SLC22A23: variants seen among roughly 807,000 people sequenced by gnomAD.
SLC22A23 encodes solute carrier family 22 member 23.
A neutral mutation model predicts 61.0 loss-of-function variants in SLC22A23; 26 were observed. The ratio of observed to expected loss-of-function variants is 0.43; its 90% CI spans 0.31 to 0.59. The LOEUF (loss-of-function observed/expected upper bound fraction) is 0.59. SLC22A23 is among the 20% of genes least tolerant of loss of function. The pLI, the probability that SLC22A23 is intolerant of heterozygous loss-of-function variation, is 0.11. For missense variants in SLC22A23, 796 were observed against 934.7 expected (o/e 0.85, Z 1.94); for synonymous variants, 430 against 413.9 (o/e 1.04, Z -0.47).
intron 3 of SLC22A23, among the ~76,000 whole-genome samples, chr6:3,405,216 G>T (rs1272235066): frequency 6.6e-6 from 1 of 151,754 alleles, no homozygotes; most frequent in East Asian, 1.9e-4. Context: ...AGCTGAGATG[G>T]CACCACTGCA....
chr6:3,410,720 T>A lies in SLC22A23; in HGVS notation c.759-378A>T, dbSNP rs980138371. The stretch of plus-strand genomic sequence containing the variant: ...ACCCAGCATAAAAAGTCTTGAGAAA[T>A]CGTTGACCTTTGGGATTGGATCAAA... On this transcript the variant is annotated intron_variant, in intron 2 of 9. Coordinates refer to ENST00000406686, the MANE Select transcript of SLC22A23 (RefSeq NM_015482.2). The surrounding 1 kb of genome is among the most constrained non-coding windows in gnomAD (Gnocchi z 5.0). Among the ~76,000 whole-genome samples the A allele has an allele frequency of 2.0e-5, 3 of 152,110 alleles. No individual in the cohort carries two copies. Among genetic ancestry groups the A allele is most frequent in the Non-Finnish European group, 4.4e-5 (3 of 68,024 alleles).
At chr6:3,323,051 G>C (rs963254400) in intron 4 of SLC22A23, among the ~76,000 whole-genome samples, 2 of 116,796 alleles carry the variant, frequency 1.7e-5, no homozygotes, top group African/African-American at 7.1e-5. Flanking sequence ...AAATTCCCTG[G>C]AGAGTTTTTT....
rs567111201 is a variant in SLC22A23, at chr6:3,316,350, C to T, written c.1082+7484G>A. The stretch of plus-strand genomic sequence containing the variant: ...GTACTATGGTTAATATGTTTTCACA[C>T]GTAAGAAGCGTGCAGCTGATGTGAA... On this transcript the variant is annotated intron_variant, in intron 4 of 9. Coordinates refer to ENST00000406686, the MANE Select transcript of SLC22A23 (RefSeq NM_015482.2). 3.9e-5 allele frequency among the ~76,000 whole-genome samples: 6 copies of T among 152,292 alleles called. No homozygotes were observed. The South Asian group carries it at 8.3e-4, about 21-fold the overall frequency.
At chr6:3,425,919 C>A (rs1038728833) in intron 1 of SLC22A23, among the ~76,000 whole-genome samples, 5 of 152,198 alleles carry the variant, frequency 3.3e-5, no homozygotes, top group African/African-American at 1.2e-4. Context: ...AAATACAATT[C>A]TCTGGTTTAT....
chr6:3,371,080 T>G (rs1766189425), intron 3 of SLC22A23, among the ~76,000 whole-genome samples: 1 of 152,192 alleles, frequency 6.6e-6, no homozygotes, highest in Non-Finnish European at 1.5e-5. Context: ...TTTCATGACT[T>G]GAGATTTACT....
intron 1 of SLC22A23, among the ~76,000 whole-genome samples, chr6:3,424,819 CAG>C (rs746060090): frequency 2.0e-5 from 3 of 152,216 alleles, no homozygotes; most frequent in South Asian, 2.1e-4. Context: ...ACAACTGAAA[CAG>C]AGCCCACATG....
intron 3 of SLC22A23, among the ~76,000 whole-genome samples, chr6:3,406,376 A>G (rs563108759): frequency 3.9e-5 from 6 of 152,336 alleles, no homozygotes; most frequent in African/African-American, 1.4e-4. Context: ...GATTCATACC[A>G]CAACCAATCA....
Position 3,359,493 on chromosome 6 carries a change from C to T in SLC22A23, c.914-35491G>A, listed in dbSNP as rs533253675. ...ACATCACAGCGACAATGTGGTAGCC[C>T]TTCACATCCATCAGGATGGTAGCTG... On this transcript the variant is annotated intron_variant, in intron 3 of 9. Coordinates refer to ENST00000406686, the MANE Select transcript of SLC22A23 (RefSeq NM_015482.2). Among the ~76,000 whole-genome samples the T allele has an allele frequency of 2.6e-5, 4 of 152,196 alleles. No homozygotes were observed. The East Asian group carries it at 7.7e-4, about 29-fold the overall frequency.
intron 9 of SLC22A23, among the ~76,000 whole-genome samples, chr6:3,280,124 C>T (rs1338139044): frequency 6.6e-6 from 1 of 152,206 alleles, no homozygotes; most frequent in Non-Finnish European, 1.5e-5. Flanking sequence ...ATAAATACAA[C>T]TGCTGAAGAT....
At chr6:3,382,180 C>CA (rs1766994522) in intron 3 of SLC22A23, among the ~76,000 whole-genome samples, 1 of 152,162 alleles carries the variant, frequency 6.6e-6, no homozygotes, top group Non-Finnish European at 1.5e-5. Context: ...GTTGAGCCAC[C>CA]AACTCTTAGT....
rs1248770027 is a variant in SLC22A23, at chr6:3,318,571, C to T, written c.1082+5263G>A. Among the ~76,000 whole-genome samples, 1 of 152,172 alleles carries T rather than the reference C, an allele frequency of 6.6e-6. No individual in the cohort carries two copies. Among genetic ancestry groups the T allele is most frequent in the East Asian group, 1.9e-4 (1 of 5,192 alleles). ...CTCCCTGTGTGCCTCCTGGCCCACC[C>T]CAGTGCTTCCCAGGAGGCCCTGTGT... On this transcript the variant is annotated intron_variant, in intron 4 of 9. Transcript: ENST00000406686. The surrounding 1 kb of genome is among the most constrained non-coding windows in gnomAD (Gnocchi z 4.3).
At position 3,324,983 on chromosome 6, in the gene SLC22A23, T is replaced by A. The variant is rs1280024057; in HGVS notation, c.914-981A>T. 6.6e-6 allele frequency among the ~76,000 whole-genome samples: 1 copy of A among 152,198 alleles called. No individual in the cohort carries two copies. Among genetic ancestry groups the A allele is most frequent in the Non-Finnish European group, 1.5e-5 (1 of 68,040 alleles). ...TTATAGTAGAAAAAGCAGCTGGGTT[T>A]TATATATATTATTTTCCCTACAGAG... On this transcript the variant is annotated intron_variant, in intron 3 of 9. Transcript: ENST00000406686. This position sits in a 1 kb window ranked among gnomAD's most constrained non-coding sequence, Gnocchi z 4.3.
intron 1 of SLC22A23, among the ~76,000 whole-genome samples, chr6:3,440,365 A>G (rs1170487743): frequency 6.6e-6 from 1 of 152,114 alleles, no homozygotes; most frequent in Non-Finnish European, 1.5e-5. Context: ...GGTCAAATGC[A>G]GCTATTAGGG....
chr6:3,346,857 G>A (rs1764466981), intron 3 of SLC22A23, among the ~76,000 whole-genome samples: 2 of 152,118 alleles, frequency 1.3e-5, no homozygotes, highest in African/African-American at 4.8e-5. Context: ...TTGGGTCAGG[G>A]CACACATATA....
At chr6:3,323,513 A>G (rs901939183) in intron 4 of SLC22A23, 2 of 439,472 alleles carry the variant, frequency 4.6e-6, no homozygotes, top group East Asian at 4.8e-5. Flanking sequence ...CCTGCAATCC[A>G]TTCATAAAAA....
intron 9 of SLC22A23, among the ~76,000 whole-genome samples, chr6:3,280,490 C>CTTTTTTTT (rs1163139930): frequency 5.2e-5 from 3 of 57,286 alleles, no homozygotes; most frequent in African/African-American, 1.7e-4. Flanking sequence ...TAAGACACAA[C>CTTTTTTTT]TTTTTTTTTT....
chr6:3,285,789 C>T (rs893740039), intron 7 of SLC22A23, among the ~76,000 whole-genome samples: 3 of 152,200 alleles, frequency 2.0e-5, no homozygotes, highest in South Asian at 2.1e-4. Flanking sequence ...CTAGGCTGCA[C>T]GACAAGGCCG....
At chr6:3,282,136 G>A in intron 9 of SLC22A23, 1 of 692,974 alleles carries the variant, frequency 1.4e-6, no homozygotes, top group Non-Finnish European at 2.6e-6. Context: ...GAGGCCAGCT[G>A]GAAACCCAGA....
intron 3 of SLC22A23, among the ~76,000 whole-genome samples, chr6:3,348,736 T>C (rs985528109): frequency 6.6e-6 from 1 of 152,128 alleles, no homozygotes; most frequent in African/African-American, 2.4e-5. Flanking sequence ...TAGCAAACTG[T>C]CCAAGGAAAA....
Sources: allele counts gnomAD v4.1 joint callset (sites outside exome capture counted in the v4.1 genomes callset), GRCh38; gene constraint gnomAD v4.1.1; non-coding constraint Gnocchi (gnomAD v3.1); transcripts MANE v1.5; gene names NCBI Gene and HGNC (gene_info 2026-07-23, HGNC 2026-07-21).